EHF: variants seen among roughly 807,000 people sequenced by gnomAD.
EHF encodes ETS homologous factor.
A neutral mutation model predicts 45.1 loss-of-function variants in EHF; 14 were observed. The ratio of observed to expected loss-of-function variants is 0.31; its 90% CI spans 0.21 to 0.49. The LOEUF is 0.49. Among genes scored for constraint, EHF ranks in the 20% least tolerant of loss-of-function variants. The pLI is 0.99. For synonymous variants in EHF, 136 were observed against 131.8 expected (o/e 1.03, Z -0.22); for missense variants, 282 against 371.4 (o/e 0.76, Z 1.98).
At chr11:34,650,143 CAGAT>C (rs1001312499) in intron 4 of EHF, among the ~76,000 whole-genome samples, 8 of 152,302 alleles carry the variant, frequency 5.3e-5, no homozygotes, top group Admixed American at 4.6e-4. Flanking sequence ...CTTGACCTGT[CAGAT>C]AGCCCCACCG....
At position 34,658,558 on chromosome 11, in the gene EHF, A is replaced by G. The variant is rs1286861228; in HGVS notation, c.633A>G (p.Glu211=). Residue 211 remains glutamate (E), a synonymous_variant, in exon 8 of 9, where the codon GAA becomes GAG. Coordinates refer to ENST00000257831, the MANE Select transcript of EHF (RefSeq NM_012153.6). ...KHNPRGTHLW[E]FIRDILLNPD... is the part of the protein sequence containing the mutation. ...ACCCGAGAGGGACTCACTTATGGGA[A>G]TTCATCCGCGACATCCTCTTGAACC... 6.2e-7 allele frequency: 1 copy of G among 1,613,400 alleles called. No homozygotes were observed. Among genetic ancestry groups the G allele is most frequent in the Admixed American group, 1.7e-5 (1 of 59,954 alleles).
Position 34,659,051 on chromosome 11 carries a change from C to A in EHF, c.*120C>A, listed in dbSNP as rs11032804. The A allele has an allele frequency of 0.48, 348,851 of 727,720 alleles. 89,048 individuals are homozygous for A. The highest frequency in any genetic ancestry group is 0.55 in the Non-Finnish European group (251,539 of 460,602). 45.1% of individuals were successfully genotyped at this position (727,720 alleles called of 1,614,324 possible). ...TGATATTTATGTACCATGAGGGGAA[C>A]AAGAAACTACTTCTAACGGGAAGAA... On this transcript the variant is annotated 3_prime_UTR_variant, in exon 9 of 9. Transcript: ENST00000257831.
chr11:34,655,037 G>A (rs1481229573), intron 6 of EHF, among the ~76,000 whole-genome samples: 3 of 152,104 alleles, frequency 2.0e-5, no homozygotes, highest in African/African-American at 7.2e-5. Context: ...CAGACCTGTC[G>A]CAATATTGTC....
chr11:34,647,025 A>G (rs1392521080), intron 3 of EHF: 2 of 350,616 alleles, frequency 5.7e-6, no homozygotes, highest in African/African-American at 2.1e-5. Flanking sequence ...CTTGCTTGTT[A>G]AAAAGATCAT....
rs1856159111 is a variant in EHF at position 34,662,631 on chromosome 11, G to A, written c.*3700G>A. The stretch of plus-strand genomic sequence containing the variant: ...GGGATCTTTTGATAAAGTTAGTAAT[G>A]CATGTTAGATTTTAGTTTTGCAAGC... On this transcript the variant is annotated 3_prime_UTR_variant, in exon 9 of 9. Transcript: ENST00000257831. Among the ~76,000 whole-genome samples the A allele has an allele frequency of 6.6e-6, 1 of 152,006 alleles. No individual in the cohort carries two copies. Among genetic ancestry groups the A allele is most frequent in the Non-Finnish European group, 1.5e-5 (1 of 67,998 alleles).
chr11:34,623,932 C>G (rs1192486527), intron 1 of EHF, among the ~76,000 whole-genome samples: 1 of 152,130 alleles, frequency 6.6e-6, no homozygotes, highest in Admixed American at 6.5e-5. Context: ...AAGTTATTGT[C>G]TTTTCTCCCT....
At chr11:34,640,422 G>A (rs1853872090) in intron 1 of EHF, among the ~76,000 whole-genome samples, 1 of 152,194 alleles carries the variant, frequency 6.6e-6, no homozygotes. Flanking sequence ...CCATGCAAAT[G>A]GGCTGGGCTC....
intron 1 of EHF, among the ~76,000 whole-genome samples, chr11:34,634,493 C>G (rs1590435672): frequency 6.6e-6 from 1 of 152,182 alleles, no homozygotes; most frequent in Non-Finnish European, 1.5e-5. Context: ...GTGGCCTTGA[C>G]TCTCAATCCC....
rs1026292641 is a variant in EHF, at chr11:34,663,193, C to G, written c.*4262C>G. On this transcript the variant is annotated 3_prime_UTR_variant, in exon 9 of 9. Coordinates refer to ENST00000257831, the MANE Select transcript of EHF (RefSeq NM_012153.6). ...TTAAATTCAAACTATTCCTGCTATT[C>G]CTGTTTTGTCAAAGAATTATATTTT... 6.6e-6 allele frequency among the ~76,000 whole-genome samples: 1 copy of G among 151,918 alleles called. No individual in the cohort carries two copies. Among genetic ancestry groups the G allele is most frequent in the African/African-American group, 2.4e-5 (1 of 41,392 alleles).
At chr11:34,651,443 C>A in intron 4 of EHF, 99 bp from the exon 5 acceptor site, 2 of 937,114 alleles carry the variant, frequency 2.1e-6, no homozygotes, top group Non-Finnish European at 1.7e-6. Context: ...CCACTCCTCA[C>A]CCCCCATACT....
intron 1 of EHF, chr11:34,632,645 T>G (rs1853005917): frequency 6.5e-7 from 1 of 1,535,532 alleles, no homozygotes; most frequent in East Asian, 2.4e-5. Flanking sequence ...GCTGAAATTC[T>G]TTTCAAGGTT....
At chr11:34,632,451 C>G in intron 1 of EHF, 1 of 1,488,032 alleles carries the variant, frequency 6.7e-7, no homozygotes, top group Non-Finnish European at 8.9e-7. Flanking sequence ...GAGAGACATT[C>G]AGCCATCCAG....
chr11:34,654,652 T>G (rs2134209130), intron 6 of EHF, among the ~76,000 whole-genome samples: 1 of 152,286 alleles, frequency 6.6e-6, no homozygotes, highest in East Asian at 1.9e-4. Flanking sequence ...GTAGAGGTTT[T>G]AGAGTCCATG....
chr11:34,631,221 G>A (rs1372398478), intron 1 of EHF, among the ~76,000 whole-genome samples: 4 of 151,912 alleles, frequency 2.6e-5, no homozygotes, highest in African/African-American at 9.7e-5. Context: ...TAGTAGAGAC[G>A]GGGTTTCACC....
At chr11:34,631,221 G>T (rs1372398478) in intron 1 of EHF, among the ~76,000 whole-genome samples, 1 of 151,912 alleles carries the variant, frequency 6.6e-6, no homozygotes, top group South Asian at 2.1e-4. Flanking sequence ...TAGTAGAGAC[G>T]GGGTTTCACC....
chr11:34,649,799 C>T (rs1018180529), intron 4 of EHF, among the ~76,000 whole-genome samples: 1 of 152,172 alleles, frequency 6.6e-6, no homozygotes, highest in African/African-American at 2.4e-5. Context: ...TGCCTGGGAG[C>T]CTGGGAGCCA....
At chr11:34,624,315 TG>T in intron 1 of EHF, 1 of 985,416 alleles carries the variant, frequency 1.0e-6, no homozygotes, top group Non-Finnish European at 1.2e-6. Flanking sequence ...GCTTTCAGCT[TG>T]GGTAAGCCGG....
chr11:34,631,533 A>C (rs905422023), intron 1 of EHF: 2 of 980,216 alleles, frequency 2.0e-6, no homozygotes, highest in South Asian at 4.7e-5. Flanking sequence ...TAGGACAGAA[A>C]TCACATCTAG....
At chr11:34,632,882 G>A (rs1345496172) in intron 1 of EHF, among the ~76,000 whole-genome samples, 1 of 152,178 alleles carries the variant, frequency 6.6e-6, no homozygotes, top group Non-Finnish European at 1.5e-5. Flanking sequence ...TAGACACTTG[G>A]TAAATATGTA....
Sources: allele counts gnomAD v4.1 joint callset (sites outside exome capture counted in the v4.1 genomes callset), GRCh38; gene constraint gnomAD v4.1.1; transcripts MANE v1.5; gene names NCBI Gene and HGNC (gene_info 2026-07-23, HGNC 2026-07-21).